The following DIAPH2 variants were observed in gnomAD, a reference collection of about 807,000 sequenced individuals.
The protein encoded by DIAPH2 is protein diaphanous homolog 2.
In DIAPH2, 35 loss-of-function variants were observed where a neutral mutation model predicts 92.7. That is an observed-to-expected ratio of 0.38 (90% CI 0.29 to 0.50). The LOEUF is 0.50. DIAPH2 is among the 20% of genes least tolerant of loss of function. The pLI, the probability that DIAPH2 is intolerant of heterozygous loss-of-function variation, is 0.94. For synonymous variants in DIAPH2, 301 were observed against 280.4 expected (o/e 1.07, Z -0.73); for missense variants, 701 against 819.5 (o/e 0.86, Z 1.77).
At chrX:96,736,193 C>T (rs1304067253) in intron 2 of DIAPH2, among the ~76,000 whole-genome samples, 2 of 110,640 alleles carry the variant, frequency 1.8e-5, no homozygotes, top group Non-Finnish European at 3.8e-5. Context: ...ATTTAAAAAC[C>T]AGTATTTTAA....
At chrX:97,585,703 A>G (rs1602684600) in intron 26 of DIAPH2, among the ~76,000 whole-genome samples, 2 of 111,288 alleles carry the variant, frequency 1.8e-5, no homozygotes, top group African/African-American at 6.5e-5. Context: ...TTTCAGGGTC[A>G]TGGGAAATCC....
intron 26 of DIAPH2, among the ~76,000 whole-genome samples, chrX:97,566,697 C>A (rs2071329834): frequency 9.0e-6 from 1 of 111,415 alleles, no homozygotes; most frequent in Non-Finnish European, 1.9e-5. Flanking sequence ...TTTTCACTGG[C>A]AAGTAAAGAA....
chrX:97,593,934 A>C (rs2071534184), intron 26 of DIAPH2, among the ~76,000 whole-genome samples: 2 of 111,653 alleles, frequency 1.8e-5, no homozygotes, highest in Admixed American at 1.9e-4. Flanking sequence ...CACATTTTTA[A>C]AAAGATTAAT....
rs188795377 is a variant in DIAPH2, at chrX:97,306,935, G to A, written c.2845-41181G>A. Among the ~76,000 whole-genome samples, 265 of 112,178 alleles carry A rather than the reference G, an allele frequency of 2.4e-3. 1 individual carries two copies. The highest frequency in any genetic ancestry group is 8.0e-3 in the African/African-American group (248 of 30,981). On this transcript the variant is annotated intron_variant, in intron 23 of 26. Coordinates refer to ENST00000324765, the MANE Select transcript of DIAPH2 (RefSeq NM_006729.5). Reference sequence around the variant, plus strand: ...CAAAGGCTGAGAAGTGGGAAACTCTGAAAGGTAAGGGGCACCGAATTGTTA... The same window carrying A: ...CAAAGGCTGAGAAGTGGGAAACTCTAAAAGGTAAGGGGCACCGAATTGTTA...
intron 23 of DIAPH2, among the ~76,000 whole-genome samples, chrX:97,302,211 CAAAAA>C (rs35039257): frequency 3.7e-5 from 1 of 26,693 alleles, no homozygotes; most frequent in Admixed American, 7.0e-4. Flanking sequence ...GACTCCATCT[CAAAAA>C]AAAAAAAAAA....
intron 22 of DIAPH2, among the ~76,000 whole-genome samples, chrX:97,142,531 C>T (rs1420667340): frequency 9.0e-6 from 1 of 111,221 alleles, no homozygotes; most frequent in Non-Finnish European, 1.9e-5. Context: ...GTAAGCAGTA[C>T]AGCATCATTG....
At position 96,873,516 on chromosome X, in the gene DIAPH2, G is replaced by C. The variant is rs938999330; in HGVS notation, c.448-8063G>C. 3.6e-5 allele frequency among the ~76,000 whole-genome samples: 4 copies of C among 109,644 alleles called. No individual in the cohort carries two copies. In the East Asian group the frequency reaches 1.1e-3, roughly 31 times the overall value. ...TGCTGGGGTGGAGGGTTGTGGGAAG[G>C]AGATGGGTGTGGTTATTGAAAGGCC... On this transcript the variant is annotated intron_variant, in intron 4 of 26. Coordinates refer to ENST00000324765, the MANE Select transcript of DIAPH2 (RefSeq NM_006729.5).
chrX:96,823,524 T>C (rs780143475), intron 4 of DIAPH2, among the ~76,000 whole-genome samples: 1 of 111,326 alleles, frequency 9.0e-6, no homozygotes, highest in South Asian at 3.7e-4. Flanking sequence ...AGTGATAAAA[T>C]ATATTAACAG....
chrX:97,153,553 C>A (rs765613840), intron 22 of DIAPH2, among the ~76,000 whole-genome samples: 2 of 111,157 alleles, frequency 1.8e-5, no homozygotes, highest in African/African-American at 6.6e-5. Context: ...CCACTGCACT[C>A]CAGCCTGGGC....
At chrX:97,514,253 A>G (rs1437219790) in intron 26 of DIAPH2, among the ~76,000 whole-genome samples, 4 of 111,714 alleles carry the variant, frequency 3.6e-5, no homozygotes, top group African/African-American at 6.5e-5. Flanking sequence ...GCTTCATTTC[A>G]TTCATTTCAT....
chrX:97,280,667 C>A (rs1012374651), intron 23 of DIAPH2, among the ~76,000 whole-genome samples: 1 of 111,093 alleles, frequency 9.0e-6, no homozygotes, highest in African/African-American at 3.3e-5. Flanking sequence ...AGATATTACA[C>A]TGTTTCTCCT....
chrX:97,157,557 G>A (rs11092141), intron 22 of DIAPH2, among the ~76,000 whole-genome samples: 44,405 of 104,545 alleles, frequency 0.42, 7,258 homozygotes, highest in Non-Finnish European at 0.54. Context: ...TTGTACCTAC[G>A]GTAGATGCAT....
intron 22 of DIAPH2, among the ~76,000 whole-genome samples, chrX:97,178,961 C>T (rs1314558663): frequency 9.0e-6 from 1 of 111,466 alleles, no homozygotes; most frequent in Non-Finnish European, 1.9e-5. Flanking sequence ...GTAGCCCTCA[C>T]TAGATGTACA....
At chrX:97,468,206 G>A (rs1471369503) in intron 26 of DIAPH2, among the ~76,000 whole-genome samples, 3 of 112,034 alleles carry the variant, frequency 2.7e-5, no homozygotes, top group Non-Finnish European at 5.6e-5. Flanking sequence ...CCATTGTAAT[G>A]TTCCGAATGT....
At chrX:97,066,011 AT>A (rs1229985826) in intron 17 of DIAPH2, among the ~76,000 whole-genome samples, 1 of 112,409 alleles carries the variant, frequency 8.9e-6, no homozygotes, top group African/African-American at 3.2e-5. Context: ...TTTAAGTGTG[AT>A]TACAAGAGTC....
chrX:97,008,005 G>T (rs1382466648), intron 17 of DIAPH2, among the ~76,000 whole-genome samples: 1 of 102,049 alleles, frequency 9.8e-6, no homozygotes, highest in South Asian at 4.8e-4. Context: ...CTCATGATCC[G>T]CCTGCCTTGG....
intron 4 of DIAPH2, among the ~76,000 whole-genome samples, chrX:96,879,820 C>G (rs1159702114): frequency 9.1e-6 from 1 of 110,187 alleles, no homozygotes; most frequent in Non-Finnish European, 1.9e-5. Context: ...ACCTCCACCT[C>G]CCGGGTTCAA....
At chrX:97,145,329 G>A (rs1276267652) in intron 22 of DIAPH2, among the ~76,000 whole-genome samples, 4 of 106,959 alleles carry the variant, frequency 3.7e-5, no homozygotes, top group Non-Finnish European at 5.8e-5. Context: ...AGTAGTGGTA[G>A]TAGTAGTAGT....
intron 1 of DIAPH2, among the ~76,000 whole-genome samples, chrX:96,723,955 A>G (rs2064005187): frequency 1.2e-5 from 1 of 80,289 alleles, no homozygotes. Context: ...ACTGAGTCTC[A>G]TTCTGTTGCC....
Sources: gnomAD v4.1 joint callset for allele counts (sites outside exome capture counted in the v4.1 genomes callset) on GRCh38, gnomAD v4.1.1 for gene constraint, MANE v1.5 for transcripts, NCBI Gene and HGNC (gene_info 2026-07-23, HGNC 2026-07-21) for gene names.